NUF2: variants seen among roughly 807,000 people sequenced by gnomAD.
NUF2 encodes the protein kinetochore protein Nuf2.
A neutral mutation model predicts 61.8 loss-of-function variants in NUF2; 34 were observed. The observed-to-expected ratio is 0.55, with a 90% CI of 0.42 to 0.73. The LOEUF is 0.73. Among genes scored for constraint, NUF2 ranks in the 30% least tolerant of loss-of-function variants. NUF2 has a pLI of 0.00. For missense variants in NUF2, 445 were observed against 539.1 expected (o/e 0.83, Z 1.73); for synonymous variants, 172 against 181.6 (o/e 0.95, Z 0.42).
At chr1:163,327,098 TCACACACACACACA>T (rs752584850) in intron 2 of NUF2, among the ~76,000 whole-genome samples, 3 of 33,300 alleles carry the variant, frequency 9.0e-5, no homozygotes, top group Non-Finnish European at 1.2e-4. Flanking sequence ...TTTCCTGTGT[TCACACACACACACA>T]CACACACACA....
At chr1:163,339,342 A>C in intron 7 of NUF2, 39 bp from the exon 8 acceptor site, 1 of 1,245,528 alleles carries the variant, frequency 8.0e-7, no homozygotes, top group Non-Finnish European at 1.2e-6. Flanking sequence ...GCCTTTCAAA[A>C]GTGAAGAGCA....
At chr1:163,325,246 C>G (rs1224251401) in intron 1 of NUF2, among the ~76,000 whole-genome samples, 1 of 152,132 alleles carries the variant, frequency 6.6e-6, no homozygotes, top group Non-Finnish European at 1.5e-5. Context: ...GGGGGCCACC[C>G]TATACATCGT....
rs549582141 is a variant in NUF2, at chr1:163,346,082, G to A, written c.948+264G>A. On this transcript the variant is annotated intron_variant, in intron 11 of 13. Coordinates refer to ENST00000271452, the MANE Select transcript of NUF2 (RefSeq NM_145697.3). ...GTATATTTTGGAAAATAGTACAGTA[G>A]CTCCCCCTTATCCTTAGGAGATTCA... is the stretch of plus-strand genomic sequence containing the variant. 4.9e-4 allele frequency: 111 copies of A among 226,384 alleles called. 1 individual carries two copies. Among genetic ancestry groups the A allele is most frequent in the African/African-American group, 2.4e-3 (103 of 43,756 alleles). The allele number at this position is 226,384 out of a possible 1,614,324, so 14.0% of individuals were successfully genotyped here.
chr1:163,332,814 A>G (rs1650640239), intron 5 of NUF2, among the ~76,000 whole-genome samples: 1 of 152,166 alleles, frequency 6.6e-6, no homozygotes, highest in Non-Finnish European at 1.5e-5. Context: ...ATCTTCAATT[A>G]TACTTATAAA....
chr1:163,332,439 C>T (rs1322384585), intron 5 of NUF2, among the ~76,000 whole-genome samples: 2 of 152,082 alleles, frequency 1.3e-5, no homozygotes, highest in Non-Finnish European at 1.5e-5. Flanking sequence ...AATAAATCAC[C>T]ACAAACTTGG....
intron 8 of NUF2, 192 bp from the exon 9 acceptor site, chr1:163,340,172 G>C: frequency 5.9e-6 from 3 of 511,324 alleles, no homozygotes; most frequent in Non-Finnish European, 1.0e-5. Flanking sequence ...GCCATTATTT[G>C]GAGTTAACTA....
intron 5 of NUF2, among the ~76,000 whole-genome samples, chr1:163,330,225 G>T (rs1302139967): frequency 6.6e-6 from 1 of 152,206 alleles, no homozygotes; most frequent in African/African-American, 2.4e-5. Context: ...AAGTTCATCA[G>T]TTGTAACAAA....
intron 13 of NUF2, among the ~76,000 whole-genome samples, chr1:163,349,532 C>T (rs1265631253): frequency 6.6e-6 from 1 of 152,076 alleles, no homozygotes; most frequent in Non-Finnish European, 1.5e-5. Context: ...ATCCCTTAGC[C>T]TCTTTTTTTT....
chr1:163,327,597 T>G (rs374860323), intron 3 of NUF2, 35 bp downstream of exon 3: 432 of 1,339,004 alleles, frequency 3.2e-4, no homozygotes, highest in Non-Finnish European at 4.0e-4. Context: ...ATGGGGTTTT[T>G]TTTGTTTGTT....
intron 8 of NUF2, among the ~76,000 whole-genome samples, chr1:163,339,923 G>C (rs1176472602): frequency 6.6e-6 from 1 of 151,980 alleles, no homozygotes; most frequent in East Asian, 1.9e-4. Flanking sequence ...CTGGGATTTT[G>C]GTATTTGCTG....
chr1:163,329,353 T>C (rs959824850), intron 5 of NUF2, among the ~76,000 whole-genome samples: 7 of 152,204 alleles, frequency 4.6e-5, no homozygotes, highest in Admixed American at 3.3e-4. Context: ...TTGATATTTA[T>C]CCATCAAGTT....
Position 163,345,801 on chromosome 1 carries a change from G to A in NUF2, c.931G>A (p.Ala311Thr). ...QDLSDNREKL[A>T]SILKESLNLE... is the part of the protein sequence containing the mutation. Reference sequence around the variant, plus strand: ...CCTTTCAGATAATAGGGAAAAATTAGCCAGTATCTTAAAGGAGGTTTGTAT... The same window carrying A: ...CCTTTCAGATAATAGGGAAAAATTAACCAGTATCTTAAAGGAGGTTTGTAT... Residue 311 changes from alanine (A) to threonine (T), a missense_variant, in exon 11 of 14, where the codon GCC becomes ACC. Coordinates refer to ENST00000271452, the MANE Select transcript of NUF2 (RefSeq NM_145697.3). 6.2e-7 allele frequency: 1 copy of A among 1,604,388 alleles called. No individual in the cohort carries two copies. The highest frequency in any genetic ancestry group is 1.3e-5 in the African/African-American group (1 of 74,698).
intron 13 of NUF2, among the ~76,000 whole-genome samples, chr1:163,352,169 G>C (rs1651342327): frequency 6.6e-6 from 1 of 152,054 alleles, no homozygotes; most frequent in South Asian, 2.1e-4. Context: ...CTGACATCCA[G>C]ATAATCTCCA....
intron 13 of NUF2, 100 bp downstream of exon 13, chr1:163,349,180 C>G (rs1363542624): frequency 5.5e-6 from 5 of 911,254 alleles, no homozygotes; most frequent in Non-Finnish European, 8.2e-6. Context: ...TGTAATGAGA[C>G]TTTTAATGAT....
chr1:163,344,365 G>GAAAT (rs1192604575), intron 10 of NUF2, among the ~76,000 whole-genome samples: 4 of 151,806 alleles, frequency 2.6e-5, no homozygotes, highest in Admixed American at 2.6e-4. Flanking sequence ...AGAGTGCTTT[G>GAAAT]AAATAATGTA....
intron 2 of NUF2, 44 bp downstream of exon 2, chr1:163,326,218 A>AAAAAGTAAGCTACTAGGTCT: frequency 6.3e-7 from 1 of 1,594,980 alleles, no homozygotes; most frequent in East Asian, 2.2e-5. Context: ...GTATTTAGGG[A>AAAAAGTAAGCTACTAGGTCT]AAAAGTAAGC....
rs1210396031 is a variant in NUF2 at position 163,326,016 on chromosome 1, T to G, written c.-20-16T>G. 1.2e-6 allele frequency: 2 copies of G among 1,601,364 alleles called. No individual in the cohort carries two copies. The highest frequency in any genetic ancestry group is 8.5e-7 in the Non-Finnish European group (1 of 1,171,160). On this transcript the variant is annotated splice_polypyrimidine_tract_variant and intron_variant, in intron 1 of 13. Coordinates refer to ENST00000271452, the MANE Select transcript of NUF2 (RefSeq NM_145697.3). ...ACTGATCATGTGGTATTTCTCATTG[T>G]TTTTTCTTCCTTCAGATTAACAGGA... is the stretch of plus-strand genomic sequence containing the variant.
chr1:163,338,760 C>T (rs1303414631), intron 7 of NUF2, among the ~76,000 whole-genome samples: 1 of 152,054 alleles, frequency 6.6e-6, no homozygotes, highest in Non-Finnish European at 1.5e-5. Context: ...ATTTGCAGCA[C>T]ATGCCACAAA....
intron 8 of NUF2, 108 bp from the exon 9 acceptor site, chr1:163,340,256 G>T (rs537745740): frequency 1.1e-5 from 9 of 801,000 alleles, no homozygotes; most frequent in South Asian, 1.1e-4. Context: ...AAGAATATCT[G>T]ATCTAACACA....
Sources: allele counts gnomAD v4.1 joint callset (sites outside exome capture counted in the v4.1 genomes callset), GRCh38; gene constraint gnomAD v4.1.1; transcripts MANE v1.5; gene names NCBI Gene and HGNC (gene_info 2026-07-23, HGNC 2026-07-21).